Variants in FAM171B observed in about 807,000 individuals in gnomAD.
The protein encoded by FAM171B is protein FAM171B.
A neutral mutation model predicts 75.6 loss-of-function variants in FAM171B; 19 were observed. The ratio of observed to expected loss-of-function variants is 0.25; its 90% CI spans 0.18 to 0.37. The LOEUF (loss-of-function observed/expected upper bound fraction) is 0.37, where lower values mean the gene tolerates loss of function less well. Among genes scored for constraint, FAM171B ranks in the 10% least tolerant of loss-of-function variants. FAM171B has a pLI of 1.00. For synonymous variants in FAM171B, 367 were observed against 361.7 expected, an observed-to-expected ratio of 1.01 and a Z score of -0.17; for missense variants, 848 against 982.4, an observed-to-expected ratio of 0.86 and a Z score of 1.83.
chr2:186,740,719 G>A lies in FAM171B; in HGVS notation c.472+258G>A, dbSNP rs182576647. 9.2e-5 allele frequency among the ~76,000 whole-genome samples: 14 copies of A among 152,264 alleles called. No homozygotes were observed. The East Asian group carries it at 1.9e-3, about 21-fold the overall frequency. On this transcript the variant is annotated intron_variant, in intron 2 of 7. Transcript: ENST00000304698. ...CAGTTCTGGAGTCTGGGAAGTCTAA[G>A]ATCAAGGTGCCAGCAGATTCTGTGT... is the stretch of plus-strand genomic sequence containing the variant.
chr2:186,734,437 A>C (rs1690167038), intron 1 of FAM171B, among the ~76,000 whole-genome samples: 1 of 151,832 alleles, frequency 6.6e-6, no homozygotes, highest in Non-Finnish European at 1.5e-5. Flanking sequence ...TGCAGCCCTC[A>C]ATGGAGAGAG....
intron 1 of FAM171B, chr2:186,695,228 T>C (rs1005456559): frequency 3.9e-5 from 6 of 152,200 alleles, no homozygotes; most frequent in African/African-American, 9.7e-5. Context: ...GGCTGTAGTA[T>C]AGGTGGCTGT....
chr2:186,711,221 T>C (rs1037792906), intron 1 of FAM171B, among the ~76,000 whole-genome samples: 7 of 152,336 alleles, frequency 4.6e-5, no homozygotes, highest in Non-Finnish European at 1.0e-4. Flanking sequence ...TAAGTCCAAG[T>C]GTTGTATGAA....
At position 186,736,567 on chromosome 2, in the gene FAM171B, G is replaced by GTGTGTGTGA. The variant is rs55683607; in HGVS notation, c.239-3661_239-3660insTGTGTGTGA. On this transcript the variant is annotated intron_variant, in intron 1 of 7. Coordinates refer to ENST00000304698, the MANE Select transcript of FAM171B (RefSeq NM_177454.4). ...GTGTGTGTGTGTGTGTGTGTGTGTG[G>GTGTGTGTGA]GAGAGAGAGAGAGAGAGAGAGAATG... Among the ~76,000 whole-genome samples, 203 of 104,626 alleles carry GTGTGTGTGA rather than the reference G, an allele frequency of 1.9e-3. 1 individual carries two copies. Among genetic ancestry groups the GTGTGTGTGA allele is most frequent in the African/African-American group, 4.9e-3 (145 of 29,858 alleles). The allele number at this position is 104,626 out of a possible 152,430, so 68.6% of individuals were successfully genotyped here. A position where few individuals can be genotyped will look rare whatever the true frequency, so the allele number is the denominator to read the frequency against.
intron 1 of FAM171B, among the ~76,000 whole-genome samples, chr2:186,728,418 C>A (rs544768752): frequency 6.6e-6 from 1 of 152,090 alleles, no homozygotes; most frequent in South Asian, 2.1e-4. Context: ...CTGTCTGTAT[C>A]CCCAATCCCC....
At chr2:186,706,594 T>C (rs1689736381) in intron 1 of FAM171B, among the ~76,000 whole-genome samples, 1 of 152,208 alleles carries the variant, frequency 6.6e-6, no homozygotes, top group Admixed American at 6.5e-5. Context: ...TGTGTTGAGT[T>C]TGGAAAGCTG....
chr2:186,705,520 A>G (rs1362262021), intron 1 of FAM171B, among the ~76,000 whole-genome samples: 2 of 152,096 alleles, frequency 1.3e-5, no homozygotes, highest in African/African-American at 4.8e-5. Flanking sequence ...CTAACGTTCA[A>G]TGTGCTTTGA....
chr2:186,707,841 TAAAAAAAAAAAAAG>T (rs1689753482), intron 1 of FAM171B, among the ~76,000 whole-genome samples: 1 of 144,282 alleles, frequency 6.9e-6, no homozygotes. Context: ...TTTTTTTTTT[TAAAAAAAAAAAAAG>T]GTTTTTCATT....
chr2:186,734,927 G>T (rs1305700407), intron 1 of FAM171B, among the ~76,000 whole-genome samples: 1 of 152,208 alleles, frequency 6.6e-6, no homozygotes, highest in Admixed American at 6.5e-5. Flanking sequence ...CCCCAGGGCT[G>T]GCACCGGGAG....
intron 4 of FAM171B, among the ~76,000 whole-genome samples, chr2:186,750,681 A>G (rs1362748531): frequency 6.6e-6 from 1 of 150,788 alleles, no homozygotes; most frequent in Non-Finnish European, 1.5e-5. Flanking sequence ...AATGCTTTTT[A>G]TGTAAGAAGT....
chr2:186,719,324 G>T (rs62173041), intron 1 of FAM171B, among the ~76,000 whole-genome samples: 1 of 151,980 alleles, frequency 6.6e-6, no homozygotes, highest in Non-Finnish European at 1.5e-5. Context: ...CATACTTTGC[G>T]CATTGATAGA....
intron 2 of FAM171B, 66 bp from the exon 3 acceptor site, chr2:186,743,417 T>C (rs1690321094): frequency 1.8e-6 from 2 of 1,096,772 alleles, no homozygotes. Flanking sequence ...GTTACAGAAC[T>C]ATATTTGTCC....
chr2:186,705,173 G>A (rs1304092260), intron 1 of FAM171B, among the ~76,000 whole-genome samples: 2 of 152,174 alleles, frequency 1.3e-5, no homozygotes, highest in African/African-American at 4.8e-5. Context: ...TAGCAGCTCT[G>A]GGCAGTTTTG....
intron 4 of FAM171B, among the ~76,000 whole-genome samples, chr2:186,748,151 T>C (rs1279937298): frequency 1.3e-5 from 2 of 151,116 alleles, no homozygotes; most frequent in Non-Finnish European, 3.0e-5. Context: ...CTTTAACTCC[T>C]GTGCTCAACA....
chr2:186,717,502 T>C (rs1689890419), intron 1 of FAM171B, among the ~76,000 whole-genome samples: 1 of 152,220 alleles, frequency 6.6e-6, no homozygotes. Flanking sequence ...CATTTATGTT[T>C]CCTTCCAGGA....
chr2:186,695,961 C>T (rs1356237187), intron 1 of FAM171B, among the ~76,000 whole-genome samples: 2 of 151,046 alleles, frequency 1.3e-5, no homozygotes, highest in Non-Finnish European at 2.9e-5. Flanking sequence ...TTCAATGGAC[C>T]TTTCAGGAAT....
chr2:186,708,243 T>C (rs984403698), intron 1 of FAM171B, among the ~76,000 whole-genome samples: 1 of 152,170 alleles, frequency 6.6e-6, no homozygotes, highest in African/African-American at 2.4e-5. Flanking sequence ...TGAAGAGCAA[T>C]ACCTGCTTCG....
At chr2:186,702,942 A>G (rs1013520504) in intron 1 of FAM171B, among the ~76,000 whole-genome samples, 3 of 152,092 alleles carry the variant, frequency 2.0e-5, no homozygotes, top group Non-Finnish European at 4.4e-5. Flanking sequence ...TATCATCATA[A>G]TTTAGGGAAT....
intron 1 of FAM171B, among the ~76,000 whole-genome samples, chr2:186,708,179 G>A (rs1001202817): frequency 6.6e-6 from 1 of 152,062 alleles, no homozygotes; most frequent in African/African-American, 2.4e-5. Flanking sequence ...TCTTATGTAG[G>A]GAAAAGGCTG....
Sources: gnomAD v4.1 joint callset for allele counts (sites outside exome capture counted in the v4.1 genomes callset) on GRCh38, gnomAD v4.1.1 for gene constraint, MANE v1.5 for transcripts, NCBI Gene and HGNC (gene_info 2026-07-23, HGNC 2026-07-21) for gene names.